PNKD: variants seen among roughly 807,000 people sequenced by gnomAD.
PNKD encodes PNKD metallo-beta-lactamase domain containing.
PNKD carries 36 observed loss-of-function variants against 45.3 expected under a neutral mutation model. That is an observed-to-expected ratio of 0.80 (90% CI 0.61 to 1.05). PNKD has a LOEUF of 1.05. Among genes scored for constraint, PNKD ranks in the 50% least tolerant of loss-of-function variants. The probability of loss-of-function intolerance (pLI) is 0.00; values close to 1 mark genes in which losing one functional copy is unlikely to be tolerated. For missense variants in PNKD, 511 were observed against 506.6 expected, an observed-to-expected ratio of 1.01 and a Z score of -0.08; for synonymous variants, 197 against 210.1, an observed-to-expected ratio of 0.94 and a Z score of 0.54.
At chr2:218,337,531 G>C (rs1020035365) in intron 2 of PNKD, among the ~76,000 whole-genome samples, 2 of 152,188 alleles carry the variant, frequency 1.3e-5, no homozygotes, top group East Asian at 3.8e-4. Context: ...AAGCAAGAAA[G>C]GATGCAGCAG....
chr2:218,277,055 A>C, intron 2 of PNKD: 2 of 1,614,180 alleles, frequency 1.2e-6, no homozygotes, highest in Non-Finnish European at 1.7e-6. Flanking sequence ...CCAGGAGCAC[A>C]ATTCCCAGGA....
rs1319727627 is a variant in PNKD at position 218,342,062 on chromosome 2, T to C, written c.699T>C (p.His233=). Residue 233 remains histidine, a synonymous_variant, in exon 7 of 10, where the codon CAT becomes CAC. Transcript: ENST00000273077. Reference sequence around the variant, plus strand: ...CTACACCTGGCCACACACAAGGCCATCTGGTCTACCTACTGGATGGGGAGC... The same window carrying C: ...CTACACCTGGCCACACACAAGGCCACCTGGTCTACCTACTGGATGGGGAGC... ...ALATPGHTQG[H]LVYLLDGEPY... 6.2e-6 allele frequency: 10 copies of C among 1,613,504 alleles called. No homozygotes were observed. The highest frequency in any genetic ancestry group is 7.6e-6 in the Non-Finnish European group (9 of 1,179,424).
In PNKD at chr2:218,340,275, C is replaced by T. The variant is rs2106293482; in HGVS notation, c.465+134C>T. ...CATATGCTCCATGTTCACACGTGCA[C>T]ATGCGCACACATAGCCTGGGGAAGG... On this transcript the variant is annotated intron_variant, in intron 4 of 9. Coordinates refer to ENST00000273077, the MANE Select transcript of PNKD (RefSeq NM_015488.5). The surrounding 1 kb of genome is among the most constrained non-coding windows in gnomAD (Gnocchi z 4.2). 3.0e-6 allele frequency: 2 copies of T among 668,264 alleles called. No individual in the cohort carries two copies. The highest frequency in any genetic ancestry group is 2.1e-5 in the Admixed American group (1 of 46,722). The allele number at this position is 668,264 out of a possible 1,614,324, so 41.4% of individuals were successfully genotyped here.
At chr2:218,282,203 G>C in intron 2 of PNKD, 1 of 1,339,238 alleles carries the variant, frequency 7.5e-7, no homozygotes, top group Non-Finnish European at 9.9e-7. Flanking sequence ...GAGGAGAAAA[G>C]CAATCGTGAA....
intron 2 of PNKD, chr2:218,323,203 G>A (rs1694041404): frequency 1.4e-6 from 2 of 1,393,636 alleles, no homozygotes; most frequent in Middle Eastern, 2.6e-4. Flanking sequence ...CCCGCGGGGG[G>A]CCGGGGCCGG....
In PNKD at chr2:218,289,042, T is replaced by G. The variant is rs549684484; in HGVS notation, c.236+17493T>G. Among the ~76,000 whole-genome samples the G allele has an allele frequency of 1.8e-4, 27 of 152,356 alleles. No homozygotes were observed. In the South Asian group the frequency reaches 4.1e-3, roughly 23 times the overall value. ...CATAGATCTCACACCTGATTTAAAA[T>G]TCAGCCTCTTTGCTTTTATATCAGG... On this transcript the variant is annotated intron_variant, in intron 2 of 9. Transcript: ENST00000273077.
At chr2:218,271,319 C>T in intron 1 of PNKD, 62 bp from the exon 2 acceptor site, 1 of 1,455,632 alleles carries the variant, frequency 6.9e-7, no homozygotes, top group East Asian at 2.3e-5. Context: ...TTACTGCCCC[C>T]CACCTCCCCG....
intron 1 of PNKD, chr2:218,270,944 TGG>T: frequency 3.0e-6 from 1 of 338,248 alleles, no homozygotes; most frequent in Non-Finnish European, 5.3e-6. Flanking sequence ...AGTTTGACCT[TGG>T]GCAAAGCAGT....
intron 2 of PNKD, among the ~76,000 whole-genome samples, chr2:218,297,104 G>A (rs893023318): frequency 1.3e-5 from 2 of 152,208 alleles, no homozygotes; most frequent in African/African-American, 4.8e-5. Flanking sequence ...GCCTGGGCAC[G>A]GCCCTGACCC....
At chr2:218,271,281 C>G (rs1574615660) in intron 1 of PNKD, 100 bp from the exon 2 acceptor site, 3 of 990,974 alleles carry the variant, frequency 3.0e-6, no homozygotes, top group Non-Finnish European at 4.9e-6. Flanking sequence ...CTCCCCTTCC[C>G]CAGATCTCAG....
At chr2:218,271,164 T>C in intron 1 of PNKD, 1 of 604,784 alleles carries the variant, frequency 1.7e-6, no homozygotes. Context: ...ACCAGGGTGA[T>C]GAGCCCGCAG....
At chr2:218,282,318 T>C in intron 2 of PNKD, 1 of 539,412 alleles carries the variant, frequency 1.9e-6, no homozygotes, top group East Asian at 3.5e-5. Flanking sequence ...GGGCAGCGTG[T>C]GATTTGCTGT....
At chr2:218,271,640 G>A in intron 2 of PNKD, 91 bp downstream of exon 2, 2 of 1,157,436 alleles carry the variant, frequency 1.7e-6, no homozygotes, top group Non-Finnish European at 2.5e-6. Flanking sequence ...CAGGTGGCGA[G>A]CTGAATCCAA....
chr2:218,305,324 G>C (rs774322371), intron 2 of PNKD, among the ~76,000 whole-genome samples: 5 of 152,000 alleles, frequency 3.3e-5, no homozygotes, highest in Non-Finnish European at 1.5e-5. Flanking sequence ...TACAGGGAGA[G>C]CTCAGTCTTG....
chr2:218,272,585 T>A (rs755558435), intron 2 of PNKD: 2 of 1,613,842 alleles, frequency 1.2e-6, no homozygotes, highest in African/African-American at 2.7e-5. Flanking sequence ...TCGGCTTCCC[T>A]TGTGGTATCC....
chr2:218,342,009 G>C lies in PNKD; in HGVS notation c.646G>C (p.Val216Leu). The C allele has an allele frequency of 1.2e-6, 2 of 1,613,832 alleles. No individual in the cohort carries two copies. Among genetic ancestry groups the C allele is most frequent in the Non-Finnish European group, 1.7e-6 (2 of 1,179,676 alleles). The part of the protein sequence containing the change: ...HPLCHQDVVS[V>L]GRLQIRALAT... ...CCTGTGTCATCAAGATGTGGTCAGC[G>C]TGGGACGGCTTCAGATCCGGGCCCT... The change falls in exon 7 of 10, where the codon GTG becomes CTG. Residue 216 changes from valine to leucine, a missense_variant. Val to Leu is a conservative substitution (Grantham distance 32). Transcript: ENST00000273077.
chr2:218,272,990 G>C lies in PNKD; in HGVS notation c.236+1441G>C, dbSNP rs1228542709. The C allele has an allele frequency of 2.1e-5, 28 of 1,329,560 alleles. No individual in the cohort carries two copies. In the East Asian group the frequency reaches 7.7e-4, roughly 37 times the overall value. 82.4% of individuals were successfully genotyped at this position (1,329,560 alleles called of 1,614,324 possible). A position where few individuals can be genotyped will look rare whatever the true frequency, so the allele number is the denominator to read the frequency against. On this transcript the variant is annotated intron_variant, in intron 2 of 9. Transcript: ENST00000273077. Reference sequence around the variant, plus strand: ...AGTCCCTTGGGATGGGAGGGGCAGAGGGTGGGGCTGGTTACTCATGTGTGC... The same window carrying C: ...AGTCCCTTGGGATGGGAGGGGCAGACGGTGGGGCTGGTTACTCATGTGTGC...
intron 2 of PNKD, among the ~76,000 whole-genome samples, chr2:218,288,264 T>G (rs559412701): frequency 1.3e-5 from 2 of 152,042 alleles, no homozygotes; most frequent in African/African-American, 2.4e-5. Flanking sequence ...CCATCTCTAC[T>G]AAAAAATACA....
At chr2:218,298,200 C>CT (rs1376188194) in intron 2 of PNKD, among the ~76,000 whole-genome samples, 4 of 152,154 alleles carry the variant, frequency 2.6e-5, no homozygotes, top group African/African-American at 4.8e-5. Flanking sequence ...TGGCATCCAC[C>CT]ATGCTGCAGG....
Sources: gnomAD v4.1 joint callset for allele counts (sites outside exome capture counted in the v4.1 genomes callset) on GRCh38, gnomAD v4.1.1 for gene constraint, Gnocchi (gnomAD v3.1) non-coding constraint, MANE v1.5 for transcripts, NCBI Gene and HGNC (gene_info 2026-07-23, HGNC 2026-07-21) for gene names.